Variants in BCAS4 observed in about 807,000 individuals in gnomAD.
The protein encoded by BCAS4 is breast carcinoma amplified sequence 4, also known as breast carcinoma-amplified sequence 4.
In BCAS4, 9 loss-of-function variants were observed where a neutral mutation model predicts 15.7. The observed-to-expected ratio is 0.57, with a 90% CI of 0.34 to 1.00. The LOEUF is 1.00. Ranked by LOEUF, BCAS4 falls within the 50% of genes least tolerant of loss-of-function variation. The pLI is 0.02. For synonymous variants in BCAS4, 101 were observed against 99.5 expected, an observed-to-expected ratio of 1.02 and a Z score of -0.09; for missense variants, 225 against 239.1, an observed-to-expected ratio of 0.94 and a Z score of 0.39.
intron 4 of BCAS4, among the ~76,000 whole-genome samples, chr20:50,875,602 T>TAAAAAAA (rs3971637): frequency 9.9e-6 from 1 of 100,560 alleles, no homozygotes; most frequent in Non-Finnish European, 2.1e-5. Context: ...TCATCTCTAC[T>TAAAAAAA]AAAAAAAAAA....
downstream of BCAS4, chr20:50,879,605 G>T (rs938533092): frequency 7.2e-5 from 11 of 152,236 alleles, no homozygotes; most frequent in African/African-American, 2.7e-4. Context: ...TATCTGCTGA[G>T]TGTTGGGCAC....
intron 4 of BCAS4, among the ~76,000 whole-genome samples, chr20:50,856,735 C>T (rs569473101): frequency 4.6e-5 from 7 of 152,324 alleles, no homozygotes; most frequent in Non-Finnish European, 7.4e-5. Context: ...GCGCTGCTTG[C>T]AGGGCTGCCT....
chr20:50,802,405 A>T (rs1182136928), intron 1 of BCAS4, among the ~76,000 whole-genome samples: 1 of 152,082 alleles, frequency 6.6e-6, no homozygotes, highest in Non-Finnish European at 1.5e-5. Context: ...CTTTTCTCAG[A>T]TGTGCCTGAC....
Position 50,802,896 on chromosome 20 carries a change from C to T in BCAS4, c.90+7723C>T, listed in dbSNP as rs535746477. ...CTCAAAAAACAAACAAAACAAAACA[C>T]GTTGGCTGGCCATGGTGGCTCATGC... On this transcript the variant is annotated intron_variant, in intron 1 of 4. Coordinates refer to ENST00000371608, the MANE Select transcript of BCAS4 (RefSeq NM_198799.4). Among the ~76,000 whole-genome samples, 10 of 149,852 alleles carry T rather than the reference C, an allele frequency of 6.7e-5. No homozygotes were observed. In the East Asian group the frequency reaches 1.0e-3, roughly 15 times the overall value.
chr20:50,853,702 G>A (rs1978582467), intron 4 of BCAS4, among the ~76,000 whole-genome samples: 1 of 106,184 alleles, frequency 9.4e-6, no homozygotes, highest in Non-Finnish European at 2.0e-5. Flanking sequence ...TGTGTACTGG[G>A]GGTGTTTTGT....
At chr20:50,797,354 TTGAA>T (rs772847488) in intron 1 of BCAS4, among the ~76,000 whole-genome samples, 1 of 152,050 alleles carries the variant, frequency 6.6e-6, no homozygotes, top group Non-Finnish European at 1.5e-5. Flanking sequence ...ATCGTACACT[TTGAA>T]AGGGTGAATT....
chr20:50,827,765 C>T (rs533649712), intron 2 of BCAS4, among the ~76,000 whole-genome samples: 33 of 152,296 alleles, frequency 2.2e-4, no homozygotes, highest in Admixed American at 1.1e-3. Context: ...CTTGCACTGT[C>T]GCCCGGGCTG....
rs1316911141 is a variant in BCAS4, at chr20:50,812,375, CG to C, written c.91-5835del. Among the ~76,000 whole-genome samples the C allele has an allele frequency of 1.3e-3, 199 of 148,588 alleles. 2 individuals carry two copies. The Middle Eastern group carries it at 0.014, about 11-fold the overall frequency. ...GTCTCGATCTCCTGACGTTGTGATCCGCCCCCCCTTGGCCTCCCAAAGTACT... is the reference window on the plus strand; with the variant it reads ...GTCTCGATCTCCTGACGTTGTGATCCCCCCCCCTTGGCCTCCCAAAGTACT... On this transcript the variant is annotated intron_variant, in intron 1 of 4. Coordinates refer to ENST00000371608, the MANE Select transcript of BCAS4 (RefSeq NM_198799.4).
chr20:50,852,429 T>C lies in BCAS4; in HGVS notation c.399+10529T>C, dbSNP rs1271651162. Reference sequence around the variant, plus strand: ...TATAGTTACACTCTGTTGCCCAGGCTGGAGTGCGGTGGCCTGATCTTAGCT... The same window carrying C: ...TATAGTTACACTCTGTTGCCCAGGCCGGAGTGCGGTGGCCTGATCTTAGCT... On this transcript the variant is annotated intron_variant, in intron 4 of 4. Transcript: ENST00000371608. Among the ~76,000 whole-genome samples, 3 of 152,264 alleles carry C rather than the reference T, an allele frequency of 2.0e-5. No individual in the cohort carries two copies. The East Asian group carries it at 5.8e-4, about 29-fold the overall frequency.
Position 50,876,564 on chromosome 20 carries a change from G to C in BCAS4, c.478G>C (p.Gly160Arg). The C allele has an allele frequency of 6.2e-7, 1 of 1,613,960 alleles. No homozygotes were observed. Among genetic ancestry groups the C allele is most frequent in the Non-Finnish European group, 8.5e-7 (1 of 1,179,932 alleles). ...RTEDYFPVDA[G>R]EAQHHPRTCP... ...GGAGGACTATTTTCCTGTGGACGCCGGGGAAGCACAGCACCACCCCCGCAC... is the reference window on the plus strand; with the variant it reads ...GGAGGACTATTTTCCTGTGGACGCCCGGGAAGCACAGCACCACCCCCGCAC... The change falls in exon 5 of 5, where the codon GGG (glycine) becomes CGG (arginine). Residue 160 changes from glycine to arginine, a missense_variant. Coordinates refer to ENST00000371608, the MANE Select transcript of BCAS4 (RefSeq NM_198799.4).
intron 2 of BCAS4, among the ~76,000 whole-genome samples, chr20:50,820,033 T>G (rs1305566981): frequency 6.7e-6 from 1 of 148,930 alleles, no homozygotes; most frequent in Non-Finnish European, 1.5e-5. Flanking sequence ...GTATTTTTAG[T>G]AGAGACAGCA....
At chr20:50,870,829 G>A (rs1454197325) in intron 4 of BCAS4, among the ~76,000 whole-genome samples, 3 of 152,258 alleles carry the variant, frequency 2.0e-5, no homozygotes, top group African/African-American at 7.2e-5. Context: ...GGGGTGTGGG[G>A]AGACTCTGAA....
In BCAS4 at chr20:50,800,559, C is replaced by CTT. The variant is rs562113048; in HGVS notation, c.90+5406_90+5407dup. 2.9e-3 allele frequency among the ~76,000 whole-genome samples: 321 copies of CTT among 112,580 alleles called. 2 individuals are homozygous for CTT. The highest frequency in any genetic ancestry group is 6.9e-3 in the African/African-American group (187 of 27,180). 73.9% of individuals were successfully genotyped at this position (112,580 alleles called of 152,430 possible). On this transcript the variant is annotated intron_variant, in intron 1 of 4. Coordinates refer to ENST00000371608, the MANE Select transcript of BCAS4 (RefSeq NM_198799.4). ...ACCCCTCTTTCTGGTTTGAACATCC[C>CTT]TTTTTTTTTTTTTTTTTTTTTGAGA...
chr20:50,860,662 G>T lies in BCAS4; in HGVS notation c.400-15824G>T, dbSNP rs567826680. 2.5e-3 allele frequency among the ~76,000 whole-genome samples: 374 copies of T among 152,170 alleles called. 1 individual carries two copies. The highest frequency in any genetic ancestry group is 5.7e-3 in the African/African-American group (236 of 41,520). On this transcript the variant is annotated intron_variant, in intron 4 of 4. Coordinates refer to ENST00000371608, the MANE Select transcript of BCAS4 (RefSeq NM_198799.4). ...AGGCCCAGGAGGGTGGGTCACCTGA[G>T]GTCAGGAGTTCAAGACCAGCCTGGC...
chr20:50,808,886 C>G (rs558875104), intron 1 of BCAS4, among the ~76,000 whole-genome samples: 1 of 152,224 alleles, frequency 6.6e-6, no homozygotes, highest in East Asian at 1.9e-4. Flanking sequence ...CTTTTGGGTT[C>G]TTGGTCATAA....
rs74340059 is a variant in BCAS4 at position 50,813,600 on chromosome 20, C to T, written c.91-4611C>T. ...TGGGAGAGAAGAGTCAAGGGTGCTC[C>T]GAAGTATTTGGCCTGAACGAGAGGA... On this transcript the variant is annotated intron_variant, in intron 1 of 4. Coordinates refer to ENST00000371608, the MANE Select transcript of BCAS4 (RefSeq NM_198799.4). 1.6e-3 allele frequency among the ~76,000 whole-genome samples: 247 copies of T among 150,400 alleles called. 1 individual carries two copies. Among genetic ancestry groups the T allele is most frequent in the African/African-American group, 5.5e-3 (226 of 40,744 alleles).
At chr20:50,837,999 T>TACACACAC (rs35171200) in intron 3 of BCAS4, among the ~76,000 whole-genome samples, 1 of 143,678 alleles carries the variant, frequency 7.0e-6, no homozygotes, top group Non-Finnish European at 1.5e-5. Flanking sequence ...CATCTGCACA[T>TACACACAC]ACACACACAC....
At chr20:50,830,870 G>A (rs1246727650) in intron 3 of BCAS4, among the ~76,000 whole-genome samples, 1 of 151,858 alleles carries the variant, frequency 6.6e-6, no homozygotes, top group Non-Finnish European at 1.5e-5. Context: ...AAAAGAATTT[G>A]TTTCCAACAT....
At chr20:50,877,352 A>G (rs1434751484), downstream of BCAS4, 1 of 152,272 alleles carries the variant, frequency 6.6e-6, no homozygotes, top group Non-Finnish European at 1.5e-5. Flanking sequence ...GCAAGAGTGC[A>G]GAGGTCATTA....
Sources: gnomAD v4.1 joint callset for allele counts (sites outside exome capture counted in the v4.1 genomes callset) on GRCh38, gnomAD v4.1.1 for gene constraint, MANE v1.5 for transcripts, NCBI Gene and HGNC (gene_info 2026-07-23, HGNC 2026-07-21) for gene names.